The following KIF26A variants were observed in gnomAD, a reference collection of about 807,000 sequenced individuals.
KIF26A encodes kinesin-like protein KIF26A.
KIF26A carries 74 observed loss-of-function variants against 126.0 expected under a neutral mutation model. The ratio of observed to expected loss-of-function variants is 0.59; its 90% confidence interval spans 0.49 to 0.71. The LOEUF (loss-of-function observed/expected upper bound fraction) is 0.71, where lower values mean the gene tolerates loss of function less well. KIF26A is among the 30% of genes least tolerant of loss of function. The pLI, the probability that KIF26A is intolerant of heterozygous loss-of-function variation, is 0.00. For missense variants in KIF26A, 2,984 were observed against 2,763.3 expected (o/e 1.08, Z -1.79); for synonymous variants, 1,445 against 1,232.7 (o/e 1.17, Z -3.61).
chr14:104,178,469 C>T (rs573626793), intron 12 of KIF26A, 81 bp from the exon 13 acceptor site: 290 of 1,080,302 alleles, frequency 2.7e-4, no homozygotes, highest in South Asian at 4.1e-4. Context: ...GGACTCGGGC[C>T]GGCTCCGCAG....
chr14:104,166,374 G>A (rs914740604), intron 4 of KIF26A, among the ~76,000 whole-genome samples: 1 of 152,124 alleles, frequency 6.6e-6, no homozygotes, highest in Non-Finnish European at 1.5e-5. Context: ...CCACACAGAG[G>A]CCTCCATTGT....
In KIF26A at chr14:104,139,421, C is replaced by T. The variant is rs535426051; in HGVS notation, c.288+133C>T. On this transcript the variant is annotated intron_variant, in intron 2 of 14. Coordinates refer to ENST00000423312, the MANE Select transcript of KIF26A (RefSeq NM_015656.2). The stretch of plus-strand genomic sequence containing the variant: ...TTCCACAAAGAGTTATCAGCCAGGA[C>T]TTCCCTTCTGCGGGCCTCAGTTTCC... 19 of 1,168,112 alleles carry T rather than the reference C, an allele frequency of 1.6e-5. No individual in the cohort carries two copies. In the African/African-American group the frequency reaches 2.4e-4, roughly 15 times the overall value. 72.4% of individuals were successfully genotyped at this position (1,168,112 alleles called of 1,614,324 possible).
At chr14:104,161,547 G>A (rs1290162543) in intron 4 of KIF26A, among the ~76,000 whole-genome samples, 1 of 152,214 alleles carries the variant, frequency 6.6e-6, no homozygotes, top group African/African-American at 2.4e-5. Flanking sequence ...CGATGGCCAG[G>A]GCCAATGAGC....
Position 104,179,977 on chromosome 14 carries a change from G to A in KIF26A, c.*187G>A. On this transcript the variant is annotated 3_prime_UTR_variant, in exon 15 of 15. Transcript: ENST00000423312. Reference sequence around the variant, plus strand: ...GCCACGCGGTGGACAGAGCGAGGGTGCCAGGGTGACCAGAAGACCGTCACC... The same window carrying A: ...GCCACGCGGTGGACAGAGCGAGGGTACCAGGGTGACCAGAAGACCGTCACC... 1 of 595,460 alleles carries A rather than the reference G, an allele frequency of 1.7e-6. No homozygotes were observed. Among genetic ancestry groups the A allele is most frequent in the South Asian group, 2.8e-5 (1 of 35,526 alleles). 36.9% of individuals were successfully genotyped at this position (595,460 alleles called of 1,614,324 possible).
intron 12 of KIF26A, 150 bp downstream of exon 12, chr14:104,178,048 A>T (rs2038054808): frequency 1.1e-6 from 1 of 934,148 alleles, no homozygotes; most frequent in Non-Finnish European, 1.5e-6. Flanking sequence ...GACGGTTTAC[A>T]GACTCGCCTG....
In KIF26A at chr14:104,164,312, G is replaced by A. The variant is rs560723621; in HGVS notation, c.924-2547G>A. On this transcript the variant is annotated intron_variant, in intron 4 of 14. Coordinates refer to ENST00000423312, the MANE Select transcript of KIF26A (RefSeq NM_015656.2). The stretch of plus-strand genomic sequence containing the variant: ...CCCAGGGTGGGTCGGGGGAGCGCCG[G>A]TGGTCAGCGTTCACCACACCCTTCG... 2.6e-5 allele frequency among the ~76,000 whole-genome samples: 4 copies of A among 152,204 alleles called. No individual in the cohort carries two copies. In the East Asian group the frequency reaches 7.8e-4, roughly 30 times the overall value.
chr14:104,161,774 C>T (rs948815689), intron 4 of KIF26A, among the ~76,000 whole-genome samples: 9 of 152,232 alleles, frequency 5.9e-5, no homozygotes, highest in African/African-American at 2.2e-4. Flanking sequence ...GCTGGGGACA[C>T]CCATCTCAGG....
chr14:104,164,136 G>A (rs535298396), intron 4 of KIF26A, among the ~76,000 whole-genome samples: 49 of 152,308 alleles, frequency 3.2e-4, no homozygotes, highest in African/African-American at 9.6e-4. Flanking sequence ...AAACGCCAGC[G>A]CTGCAGCCGC....
chr14:104,176,158 A>G lies in KIF26A; in HGVS notation c.3370A>G (p.Ser1124Gly). The G allele has an allele frequency of 6.3e-7, 1 of 1,589,414 alleles. No homozygotes were observed. Among genetic ancestry groups the G allele is most frequent in the South Asian group, 1.1e-5 (1 of 87,454 alleles). Reference protein sequence around the residue: ...LSEVSVCTADSRDPTPQPRFS... With the variant: ...LSEVSVCTADGRDPTPQPRFS... ...CGAGGTCAGCGTCTGCACTGCCGAC[A>G]GCCGTGACCCCACGCCGCAGCCCCG... is the stretch of plus-strand genomic sequence containing the variant. Residue 1124 changes from serine to glycine, a missense_variant, in exon 12 of 15, where the codon AGC (serine) becomes GGC (glycine). Ser to Gly is a moderately conservative substitution (Grantham distance 56). Transcript: ENST00000423312.
intron 3 of KIF26A, among the ~76,000 whole-genome samples, chr14:104,155,421 G>A (rs75085153): frequency 0.015 from 2,246 of 152,284 alleles, 57 homozygotes; most frequent in African/African-American, 0.051. Flanking sequence ...GGTCCCGTGC[G>A]GCTATGCTTG....
intron 4 of KIF26A, among the ~76,000 whole-genome samples, chr14:104,164,803 TTC>T (rs1225233600): frequency 6.6e-6 from 1 of 150,738 alleles, no homozygotes; most frequent in African/African-American, 2.4e-5. Context: ...GCATTTCTCT[TTC>T]TCTGTGTATC....
chr14:104,172,238 C>G (rs61608766), intron 6 of KIF26A, among the ~76,000 whole-genome samples: 1,911 of 152,348 alleles, frequency 0.013, 41 homozygotes, highest in African/African-American at 0.043. Flanking sequence ...TGGGGGCGCC[C>G]GGTGCTCCCT....
chr14:104,162,475 G>C (rs1388338429), intron 4 of KIF26A, among the ~76,000 whole-genome samples: 5 of 152,334 alleles, frequency 3.3e-5, no homozygotes, highest in Admixed American at 2.6e-4. Flanking sequence ...ACGGGGCAAA[G>C]GGCCAGCCTG....
Position 104,167,184 on chromosome 14 carries a change from G to T in KIF26A, c.1113+136G>T, listed in dbSNP as rs1342597018. The T allele has an allele frequency of 3.2e-6, 3 of 941,750 alleles. No individual in the cohort carries two copies. The African/African-American group carries it at 5.0e-5, about 16-fold the overall frequency. 58.3% of individuals were successfully genotyped at this position (941,750 alleles called of 1,614,324 possible). On this transcript the variant is annotated intron_variant, in intron 5 of 14. Coordinates refer to ENST00000423312, the MANE Select transcript of KIF26A (RefSeq NM_015656.2). Reference sequence around the variant, plus strand: ...TAAGGGTGGTCAGTGGGGTGCCATGGGGAGACTGAGGCCCAGGTGGCAGCA... The same window carrying T: ...TAAGGGTGGTCAGTGGGGTGCCATGTGGAGACTGAGGCCCAGGTGGCAGCA...
At chr14:104,169,779 G>A (rs1355178012) in intron 5 of KIF26A, among the ~76,000 whole-genome samples, 1 of 152,204 alleles carries the variant, frequency 6.6e-6, no homozygotes, top group African/African-American at 2.4e-5. Flanking sequence ...AGAGCTGGAA[G>A]CCCTTTTTTA....
intron 13 of KIF26A, 58 bp downstream of exon 13, chr14:104,178,813 G>T: frequency 9.9e-7 from 1 of 1,007,808 alleles, no homozygotes; most frequent in South Asian, 1.6e-5. Flanking sequence ...GCCGCGGATG[G>T]CAGAGTGAGC....
chr14:104,168,220 T>C (rs1490620519), intron 5 of KIF26A, among the ~76,000 whole-genome samples: 2 of 152,192 alleles, frequency 1.3e-5, no homozygotes, highest in Admixed American at 1.3e-4. Context: ...TGGAACATGC[T>C]GGCTACGGGG....
intron 4 of KIF26A, among the ~76,000 whole-genome samples, chr14:104,165,549 G>A (rs534053215): frequency 2.7e-5 from 4 of 145,834 alleles, no homozygotes; most frequent in Non-Finnish European, 4.4e-5. Flanking sequence ...CTATGCGTGT[G>A]TGTGTGTCTG....
Position 104,157,690 on chromosome 14 carries a change from G to A in KIF26A, c.736-65G>A, listed in dbSNP as rs917516030. On this transcript the variant is annotated intron_variant, in intron 3 of 14. Transcript: ENST00000423312. Reference sequence around the variant, plus strand: ...GCCCAGGCCTGTCTCTCCCACTCCGGGTGCCAGGGGGCAGTGGTGTCTCTG... The same window carrying A: ...GCCCAGGCCTGTCTCTCCCACTCCGAGTGCCAGGGGGCAGTGGTGTCTCTG... 119 of 1,517,788 alleles carry A rather than the reference G, an allele frequency of 7.8e-5. No individual in the cohort carries two copies. The Admixed American group carries it at 2.2e-3, about 28-fold the overall frequency. The allele number at this position is 1,517,788 out of a possible 1,614,324, so 94.0% of individuals were successfully genotyped here.
Sources: allele counts gnomAD v4.1 joint callset (sites outside exome capture counted in the v4.1 genomes callset), GRCh38; gene constraint gnomAD v4.1.1; transcripts MANE v1.5; gene names NCBI Gene and HGNC (gene_info 2026-07-23, HGNC 2026-07-21).